Variants in DMD observed in about 807,000 individuals in gnomAD.
The protein encoded by DMD is dystrophin, also known as mutant dystrophin.
A neutral mutation model predicts 330.1 loss-of-function variants in DMD; 63 were observed. The observed-to-expected ratio is 0.19, with a 90% confidence interval of 0.16 to 0.24. The LOEUF (loss-of-function observed/expected upper bound fraction) is 0.24, where lower values mean the gene tolerates loss of function less well. DMD is among the 10% of genes least tolerant of loss of function. The probability of loss-of-function intolerance (pLI) is 1.00; values close to 1 mark genes in which losing one functional copy is unlikely to be tolerated. For missense variants in DMD, 3,344 were observed against 2,684.1 expected, an observed-to-expected ratio of 1.25 and a Z score of -5.43; for synonymous variants, 1,223 against 959.8, an observed-to-expected ratio of 1.27 and a Z score of -5.07.
At chrX:33,243,737 C>T (rs1475387750) in intron 1 of DMD, among the ~76,000 whole-genome samples, 2 of 111,940 alleles carry the variant, frequency 1.8e-5, no homozygotes, top group African/African-American at 6.5e-5. Flanking sequence ...TTTGCAACAA[C>T]ATGGATGGAA....
At position 31,121,771 on chromosome X, in the gene DMD, C is replaced by G; in HGVS notation, c.*148G>C. On this transcript the variant is annotated 3_prime_UTR_variant, in exon 79 of 79. Transcript: ENST00000357033. ...TTTATTTCTTGTAAACTCTTACTGT[C>G]TAATCCTCTTTGTTGTATGAATATT... 1.2e-6 allele frequency: 1 copy of G among 840,819 alleles called. No individual in the cohort carries two copies. Among genetic ancestry groups the G allele is most frequent in the Non-Finnish European group, 1.8e-6 (1 of 559,194 alleles). 69.3% of individuals were successfully genotyped at this position (840,819 alleles called of 1,213,427 possible).
intron 44 of DMD, among the ~76,000 whole-genome samples, chrX:32,052,613 C>T (rs113235015): frequency 9.0e-6 from 1 of 111,184 alleles, no homozygotes; most frequent in Non-Finnish European, 1.9e-5. Flanking sequence ...ACTAATCATA[C>T]AAAAATCAGT....
intron 1 of DMD, among the ~76,000 whole-genome samples, chrX:33,194,342 G>A (rs1166294142): frequency 1.8e-5 from 2 of 109,800 alleles, no homozygotes; most frequent in African/African-American, 6.6e-5. Flanking sequence ...TTTCATCTAG[G>A]CACAATATAT....
intron 12 of DMD, among the ~76,000 whole-genome samples, chrX:32,607,983 G>A (rs1417837594): frequency 1.8e-5 from 2 of 109,395 alleles, no homozygotes; most frequent in African/African-American, 6.6e-5. Context: ...TATTACAAGA[G>A]TAATGAAGTA....
intron 47 of DMD, among the ~76,000 whole-genome samples, chrX:31,922,350 T>A (rs1002413358): frequency 1.8e-5 from 2 of 111,171 alleles, no homozygotes; most frequent in Admixed American, 1.9e-4. Flanking sequence ...CTTTGCAATA[T>A]CCTTTATCAT....
chrX:31,588,981 G>A (rs1438366631), intron 55 of DMD, among the ~76,000 whole-genome samples: 2 of 104,085 alleles, frequency 1.9e-5, no homozygotes, highest in African/African-American at 7.1e-5. Context: ...ATAACTTAAC[G>A]AAGGATATTT....
intron 34 of DMD, among the ~76,000 whole-genome samples, chrX:32,372,646 T>C (rs1281863290): frequency 1.8e-5 from 2 of 111,696 alleles, no homozygotes; most frequent in African/African-American, 6.5e-5. Context: ...GATTGATCCA[T>C]ATTTTTAAAA....
chrX:32,799,306 G>A (rs2076380021), intron 7 of DMD, among the ~76,000 whole-genome samples: 1 of 111,442 alleles, frequency 9.0e-6, no homozygotes, highest in African/African-American at 3.3e-5. Flanking sequence ...ATGTCATTTT[G>A]AGGATACAAA....
chrX:32,148,170 C>A (rs1055852936), intron 44 of DMD, among the ~76,000 whole-genome samples: 1 of 110,957 alleles, frequency 9.0e-6, no homozygotes, highest in African/African-American at 3.3e-5. Flanking sequence ...AGCCACCGCA[C>A]CCGGCCAAAA....
At chrX:31,702,043 T>C (rs765327612) in intron 52 of DMD, among the ~76,000 whole-genome samples, 2 of 112,244 alleles carry the variant, frequency 1.8e-5, no homozygotes, top group Non-Finnish European at 3.8e-5. Context: ...TGTTTTCAGA[T>C]ATCCCTTCAG....
chrX:31,585,702 C>T (rs774794890), intron 55 of DMD, among the ~76,000 whole-genome samples: 49 of 110,871 alleles, frequency 4.4e-4, no homozygotes, highest in African/African-American at 1.5e-3. Context: ...GGAGGTTTTG[C>T]TGGCCTAAAT....
intron 49 of DMD, among the ~76,000 whole-genome samples, chrX:31,821,634 T>C (rs1037838014): frequency 8.9e-6 from 1 of 112,131 alleles, no homozygotes; most frequent in Non-Finnish European, 1.9e-5. Flanking sequence ...AAAGAACTCC[T>C]ATTGTGTTAA....
chrX:31,892,322 C>G (rs760014932), intron 47 of DMD, among the ~76,000 whole-genome samples: 1 of 111,458 alleles, frequency 9.0e-6, no homozygotes, highest in East Asian at 2.8e-4. Flanking sequence ...CTGTAAATTA[C>G]GTGTAGCCTT....
At chrX:32,827,043 G>C (rs1259214249) in intron 4 of DMD, among the ~76,000 whole-genome samples, 6 of 86,344 alleles carry the variant, frequency 6.9e-5, no homozygotes, top group Non-Finnish European at 1.1e-4. Flanking sequence ...TAAGTCATTG[G>C]AACACACATC....
intron 45 of DMD, among the ~76,000 whole-genome samples, chrX:31,967,323 TGTGTG>T (rs2095360375): frequency 2.9e-5 from 3 of 102,863 alleles, no homozygotes; most frequent in African/African-American, 1.1e-4. Context: ...TGTGTGTGTG[TGTGTG>T]TGTGTGTGTG....
rs187705265 is a variant in DMD, at chrX:33,178,422, A to C, written c.31+32860T>G. On this transcript the variant is annotated intron_variant, in intron 1 of 78. Coordinates refer to ENST00000357033, the MANE Select transcript of DMD (RefSeq NM_004006.3). ...TCCAGCTGGAGCTCACTCATGTGGC[A>C]AGGCAACAAATCTCTCTTACTTAAC... 4.4e-3 allele frequency among the ~76,000 whole-genome samples: 496 copies of C among 112,011 alleles called. 4 individuals are homozygous for C. Among genetic ancestry groups the C allele is most frequent in the Non-Finnish European group, 7.5e-3 (398 of 53,216 alleles).
chrX:32,662,139 C>G (rs1229814590), intron 9 of DMD, among the ~76,000 whole-genome samples: 1 of 111,487 alleles, frequency 9.0e-6, no homozygotes, highest in East Asian at 2.8e-4. Flanking sequence ...TCTTGATTTG[C>G]ATAATACTTA....
At chrX:32,524,402 G>A (rs1390762871) in intron 17 of DMD, among the ~76,000 whole-genome samples, 2 of 112,188 alleles carry the variant, frequency 1.8e-5, no homozygotes, top group South Asian at 3.7e-4. Context: ...GAACAGAGAC[G>A]AGAATGCATT....
intron 4 of DMD, among the ~76,000 whole-genome samples, chrX:32,839,779 T>A (rs996094741): frequency 9.0e-6 from 1 of 110,735 alleles, no homozygotes; most frequent in African/African-American, 3.3e-5. Flanking sequence ...TGGCACGATC[T>A]CCACTCACTG....
Sources: allele counts gnomAD v4.1 joint callset (sites outside exome capture counted in the v4.1 genomes callset), GRCh38; gene constraint gnomAD v4.1.1; transcripts MANE v1.5; gene names NCBI Gene and HGNC (gene_info 2026-07-23, HGNC 2026-07-21).